Variants in CMSS1 observed in about 807,000 individuals in gnomAD.
CMSS1 encodes the protein cms1 ribosomal small subunit homolog.
CMSS1 carries 33 observed loss-of-function variants against 43.5 expected under a neutral mutation model. The observed-to-expected ratio is 0.76, with a 90% CI of 0.57 to 1.01. The LOEUF (loss-of-function observed/expected upper bound fraction) is 1.01, where lower values mean the gene tolerates loss of function less well. Ranked by LOEUF, CMSS1 falls within the 50% of genes least tolerant of loss-of-function variation. The pLI, the probability that CMSS1 is intolerant of heterozygous loss-of-function variation, is 0.00. For missense variants in CMSS1, 313 were observed against 326.4 expected, an observed-to-expected ratio of 0.96 and a Z score of 0.32; for synonymous variants, 115 against 117.2, an observed-to-expected ratio of 0.98 and a Z score of 0.12.
chr3:99,921,370 A>T (rs1426271008), intron 1 of CMSS1, among the ~76,000 whole-genome samples: 2 of 152,168 alleles, frequency 1.3e-5, no homozygotes, highest in African/African-American at 4.8e-5. Flanking sequence ...GCCTTAAAGC[A>T]GATAGAAGTC....
At chr3:100,106,372 C>G (rs1238132330) in intron 1 of CMSS1, among the ~76,000 whole-genome samples, 1 of 152,124 alleles carries the variant, frequency 6.6e-6, no homozygotes, top group Non-Finnish European at 1.5e-5. Flanking sequence ...GGATCTGTTC[C>G]AAGGACCCTC....
intron 1 of CMSS1, among the ~76,000 whole-genome samples, chr3:100,035,868 C>A (rs2065098822): frequency 1.3e-5 from 2 of 152,146 alleles, no homozygotes; most frequent in South Asian, 4.1e-4. Context: ...TCTTTGAAAG[C>A]AAATCACATA....
At chr3:100,159,609 G>A (rs902833785) in intron 2 of CMSS1, among the ~76,000 whole-genome samples, 2 of 152,178 alleles carry the variant, frequency 1.3e-5, no homozygotes, top group African/African-American at 2.4e-5. Flanking sequence ...CAACTTGTTT[G>A]ACAATGTTGC....
At chr3:100,090,514 A>T (rs764717100) in intron 1 of CMSS1, among the ~76,000 whole-genome samples, 5 of 152,214 alleles carry the variant, frequency 3.3e-5, no homozygotes, top group Non-Finnish European at 7.3e-5. Flanking sequence ...ACAGAGATGC[A>T]TGACTTGCCC....
intron 1 of CMSS1, among the ~76,000 whole-genome samples, chr3:99,941,790 A>G (rs1474130663): frequency 6.6e-6 from 1 of 152,210 alleles, no homozygotes; most frequent in Non-Finnish European, 1.5e-5. Flanking sequence ...TGGAAAAAAT[A>G]TATTGATTTA....
intron 1 of CMSS1, among the ~76,000 whole-genome samples, chr3:100,059,547 CAA>C (rs1056749815): frequency 1.3e-5 from 2 of 152,090 alleles, no homozygotes; most frequent in Non-Finnish European, 2.9e-5. Flanking sequence ...TTCTATCCTC[CAA>C]GGGTAGAGGG....
At chr3:99,924,710 C>G (rs1210102188) in intron 1 of CMSS1, among the ~76,000 whole-genome samples, 6 of 152,006 alleles carry the variant, frequency 3.9e-5, no homozygotes, top group Admixed American at 2.0e-4. Flanking sequence ...TTAGTAGAGA[C>G]AGGGTTTCTC....
intron 1 of CMSS1, chr3:100,141,582 A>C: frequency 2.2e-6 from 1 of 456,230 alleles, no homozygotes; most frequent in South Asian, 1.6e-5. Flanking sequence ...TGAAAACCTA[A>C]GGAAAATGAT....
At chr3:100,050,745 G>C (rs914358407) in intron 1 of CMSS1, among the ~76,000 whole-genome samples, 1 of 152,134 alleles carries the variant, frequency 6.6e-6, no homozygotes, top group African/African-American at 2.4e-5. Flanking sequence ...GGCCAGGCTG[G>C]TCTCGAACTC....
chr3:100,122,250 G>A lies in CMSS1; in HGVS notation c.65-24723G>A, dbSNP rs116353914. ...GCAGGGCTTCCAGAGAGCATCCCTA[G>A]GCAGTAAGACAATTCTAGACCCCCC... On this transcript the variant is annotated intron_variant, in intron 1 of 9. Transcript: ENST00000421999. Among the ~76,000 whole-genome samples, 706 of 152,304 alleles carry A rather than the reference G, an allele frequency of 4.6e-3. 2 individuals carry two copies. The highest frequency in any genetic ancestry group is 6.4e-3 in the South Asian group (31 of 4,820).
intron 1 of CMSS1, among the ~76,000 whole-genome samples, chr3:100,093,489 T>C (rs1257467722): frequency 1.3e-5 from 2 of 152,202 alleles, no homozygotes; most frequent in African/African-American, 4.8e-5. Flanking sequence ...AAGTAAACTT[T>C]TTACTTTGAG....
chr3:99,849,820 T>A (rs765900679), intron 1 of CMSS1: 1 of 1,612,150 alleles, frequency 6.2e-7, no homozygotes, highest in East Asian at 2.2e-5. Context: ...GTTTTCTTGG[T>A]GTAATGCTGT....
chr3:100,097,999 T>C (rs1396303553), intron 1 of CMSS1, among the ~76,000 whole-genome samples: 3 of 152,238 alleles, frequency 2.0e-5, no homozygotes, highest in Non-Finnish European at 2.9e-5. Context: ...AATGTTTAGC[T>C]AGGCATAGTA....
chr3:99,955,234 G>C (rs896233926), intron 1 of CMSS1, among the ~76,000 whole-genome samples: 6 of 152,148 alleles, frequency 3.9e-5, no homozygotes, highest in Non-Finnish European at 8.8e-5. Context: ...TAATAAAGTG[G>C]CATGCTCACA....
chr3:99,909,408 G>A (rs922645057), intron 1 of CMSS1, among the ~76,000 whole-genome samples: 18 of 152,166 alleles, frequency 1.2e-4, no homozygotes, highest in Admixed American at 2.6e-4. Flanking sequence ...GTCAGGTGAG[G>A]GGGTCTGGGG....
intron 1 of CMSS1, among the ~76,000 whole-genome samples, chr3:99,864,675 C>G (rs1457570155): frequency 6.6e-6 from 1 of 152,036 alleles, no homozygotes; most frequent in African/African-American, 2.4e-5. Flanking sequence ...CTCCCTGACC[C>G]CTTCTACTGT....
chr3:100,014,869 C>CTTTT (rs1559725848), intron 1 of CMSS1, among the ~76,000 whole-genome samples: 3 of 18,526 alleles, frequency 1.6e-4, no homozygotes, highest in African/African-American at 4.5e-4. Flanking sequence ...TTGTCTTTTT[C>CTTTT]TTTTCTTTTT....
intron 1 of CMSS1, among the ~76,000 whole-genome samples, chr3:99,938,078 C>CGT (rs1707742628): frequency 1.4e-5 from 2 of 138,418 alleles, no homozygotes; most frequent in Middle Eastern, 3.9e-3. Context: ...TGTGTGTGCG[C>CGT]GCGCGCGCGC....
At chr3:99,974,792 A>G (rs1202379795) in intron 1 of CMSS1, among the ~76,000 whole-genome samples, 1 of 152,186 alleles carries the variant, frequency 6.6e-6, no homozygotes, top group East Asian at 1.9e-4. Context: ...GTTAAAATTC[A>G]TTTACTTATA....
Sources: gnomAD v4.1 joint callset for allele counts (sites outside exome capture counted in the v4.1 genomes callset) on GRCh38, gnomAD v4.1.1 for gene constraint, MANE v1.5 for transcripts, NCBI Gene and HGNC (gene_info 2026-07-23, HGNC 2026-07-21) for gene names.